The following CACNA2D3 variants were observed in gnomAD, a reference collection of about 807,000 sequenced individuals.
CACNA2D3 encodes the protein calcium voltage-gated channel auxiliary subunit alpha2delta 3, also known as voltage-dependent calcium channel subunit alpha-2/delta-3.
A neutral mutation model predicts 160.6 loss-of-function variants in CACNA2D3; 60 were observed. That is an observed-to-expected ratio of 0.37 (90% CI 0.30 to 0.46). The LOEUF (loss-of-function observed/expected upper bound fraction) is 0.46, where lower values mean the gene tolerates loss of function less well. Among genes scored for constraint, CACNA2D3 ranks in the 20% least tolerant of loss-of-function variants. The pLI, the probability that CACNA2D3 is intolerant of heterozygous loss-of-function variation, is 1.00. For synonymous variants in CACNA2D3, 558 were observed against 492.9 expected (o/e 1.13, Z -1.75); for missense variants, 1,205 against 1,365.0 (o/e 0.88, Z 1.85).
chr3:54,473,330 A>T (rs964504083), intron 4 of CACNA2D3, among the ~76,000 whole-genome samples: 1 of 152,228 alleles, frequency 6.6e-6, no homozygotes, highest in Non-Finnish European at 1.5e-5. Flanking sequence ...TGCCAGCCAT[A>T]TGCAGAAAAC....
intron 13 of CACNA2D3, among the ~76,000 whole-genome samples, chr3:54,800,316 T>C (rs1324965040): frequency 6.6e-6 from 1 of 152,208 alleles, no homozygotes; most frequent in African/African-American, 2.4e-5. Context: ...ATCCTTATTG[T>C]AGTTTTATCT....
chr3:54,984,240 G>A (rs541556634), intron 29 of CACNA2D3, among the ~76,000 whole-genome samples: 11 of 151,876 alleles, frequency 7.2e-5, no homozygotes, highest in Admixed American at 5.9e-4. Context: ...CACTTCAACC[G>A]CCAATACAGG....
intron 2 of CACNA2D3, among the ~76,000 whole-genome samples, chr3:54,237,867 T>C (rs1019122701): frequency 2.6e-5 from 4 of 152,070 alleles, no homozygotes; most frequent in Non-Finnish European, 5.9e-5. Context: ...GGGGAAAAAA[T>C]GGTTCCATGG....
intron 35 of CACNA2D3, among the ~76,000 whole-genome samples, chr3:55,022,720 TTC>T (rs1199493093): frequency 6.7e-6 from 1 of 150,364 alleles, no homozygotes; most frequent in African/African-American, 2.5e-5. Context: ...CTTTTTTTTT[TTC>T]CATACTCTAT....
chr3:54,669,516 C>A (rs1700121591), intron 11 of CACNA2D3, among the ~76,000 whole-genome samples: 1 of 152,100 alleles, frequency 6.6e-6, no homozygotes, highest in East Asian at 1.9e-4. Context: ...GTATTATGAT[C>A]TAAGAAAAAG....
At chr3:54,993,382 C>T (rs191554387) in intron 31 of CACNA2D3, among the ~76,000 whole-genome samples, 2 of 152,296 alleles carry the variant, frequency 1.3e-5, no homozygotes, top group African/African-American at 4.8e-5. Flanking sequence ...CCTCCCTTCC[C>T]CTTGTAAGTA....
At chr3:54,663,175 C>T (rs376801903) in intron 11 of CACNA2D3, among the ~76,000 whole-genome samples, 1 of 152,236 alleles carries the variant, frequency 6.6e-6, no homozygotes. Context: ...AAGGAACCCT[C>T]TCTGTCCTTG....
intron 5 of CACNA2D3, among the ~76,000 whole-genome samples, chr3:54,517,269 G>A (rs1701566924): frequency 6.6e-6 from 1 of 152,230 alleles, no homozygotes; most frequent in Admixed American, 6.5e-5. Context: ...CCCCCAGGCT[G>A]CTCCTCATTG....
chr3:54,586,903 A>C (rs1319003199), intron 9 of CACNA2D3, among the ~76,000 whole-genome samples: 1 of 152,114 alleles, frequency 6.6e-6, no homozygotes, highest in Non-Finnish European at 1.5e-5. Context: ...ATTAAACAGT[A>C]TACTATTAAA....
chr3:54,601,130 C>T (rs920471748), intron 9 of CACNA2D3, among the ~76,000 whole-genome samples: 1 of 152,140 alleles, frequency 6.6e-6, no homozygotes, highest in African/African-American at 2.4e-5. Flanking sequence ...TTTCTGAAAT[C>T]CCATTCTGCT....
intron 6 of CACNA2D3, among the ~76,000 whole-genome samples, chr3:54,565,115 A>G (rs749705969): frequency 2.0e-5 from 3 of 152,134 alleles, no homozygotes; most frequent in Non-Finnish European, 4.4e-5. Context: ...GCCTGGTCTG[A>G]GTTGCTTGCC....
At chr3:54,344,281 T>C (rs1209373034) in intron 3 of CACNA2D3, among the ~76,000 whole-genome samples, 1 of 152,168 alleles carries the variant, frequency 6.6e-6, no homozygotes, top group Non-Finnish European at 1.5e-5. Flanking sequence ...GTGTCTGGAC[T>C]TCTGACTTGA....
chr3:54,802,985 A>C (rs6767183), intron 13 of CACNA2D3, among the ~76,000 whole-genome samples: 38,675 of 152,062 alleles, frequency 0.25, 5,172 homozygotes, highest in African/African-American at 0.33. Context: ...TTCAACAGAC[A>C]TGCAGCTGAG....
intron 31 of CACNA2D3, among the ~76,000 whole-genome samples, chr3:54,999,622 T>A (rs1369586545): frequency 6.6e-6 from 1 of 152,190 alleles, no homozygotes; most frequent in African/African-American, 2.4e-5. Flanking sequence ...GTGAGCTAAT[T>A]TGATGAATCA....
rs111655457 is a variant in CACNA2D3, at chr3:54,774,629, A to ATTTTT, written c.1380+10297_1380+10301dup. Among the ~76,000 whole-genome samples, 95 of 107,890 alleles carry ATTTTT rather than the reference A, an allele frequency of 8.8e-4. 1 individual carries two copies. The highest frequency in any genetic ancestry group is 1.0e-3 in the Non-Finnish European group (59 of 56,372). 70.8% of individuals were successfully genotyped at this position (107,890 alleles called of 152,430 possible). A position where few individuals can be genotyped will look rare whatever the true frequency, so the allele number is the denominator to read the frequency against. On this transcript the variant is annotated intron_variant, in intron 13 of 37. Transcript: ENST00000474759. ...TATTATTTTGACTTGCTCTTTGACT[A>ATTTTT]TTTTTTTTTTTTTTTTTTTTTTTGA...
At chr3:54,383,389 G>A (rs1366340733) in intron 3 of CACNA2D3, among the ~76,000 whole-genome samples, 1 of 152,178 alleles carries the variant, frequency 6.6e-6, no homozygotes, top group Non-Finnish European at 1.5e-5. Context: ...GGCAGGTTGG[G>A]ACAACCCGGT....
intron 2 of CACNA2D3, among the ~76,000 whole-genome samples, chr3:54,219,385 A>T (rs1701524228): frequency 6.6e-6 from 1 of 152,066 alleles, no homozygotes. Flanking sequence ...TTGGGCTGGG[A>T]TTCCTGCCTT....
At chr3:54,784,441 T>C (rs765460475) in intron 13 of CACNA2D3, among the ~76,000 whole-genome samples, 1 of 146,772 alleles carries the variant, frequency 6.8e-6, no homozygotes, top group Non-Finnish European at 1.5e-5. Context: ...ATTGTCAGAC[T>C]TTTTTTTTTT....
At chr3:54,895,379 A>G (rs546543427) in intron 25 of CACNA2D3, among the ~76,000 whole-genome samples, 1 of 152,150 alleles carries the variant, frequency 6.6e-6, no homozygotes, top group Non-Finnish European at 1.5e-5. Flanking sequence ...ATGCTAGTAC[A>G]AGTTACAGGG....
Sources: allele counts gnomAD v4.1 joint callset (sites outside exome capture counted in the v4.1 genomes callset), GRCh38; gene constraint gnomAD v4.1.1; transcripts MANE v1.5; gene names NCBI Gene and HGNC (gene_info 2026-07-23, HGNC 2026-07-21).